Variants in EVC observed in about 807,000 individuals in gnomAD.
The protein encoded by EVC is evC complex member EVC.
In EVC, 116 loss-of-function variants were observed where a neutral mutation model predicts 118.9. The ratio of observed to expected loss-of-function variants is 0.98; its 90% CI spans 0.84 to 1.14. EVC has a LOEUF of 1.14. Among genes scored for constraint, EVC ranks in the 50% most tolerant of loss-of-function variants. EVC has a pLI of 0.00. For missense variants in EVC, 1,401 were observed against 1,246.4 expected (o/e 1.12, Z -1.87); for synonymous variants, 619 against 534.7 (o/e 1.16, Z -2.18).
At chr4:5,780,705 TG>T (rs1363419462) in intron 11 of EVC, among the ~76,000 whole-genome samples, 1 of 152,132 alleles carries the variant, frequency 6.6e-6, no homozygotes, top group Non-Finnish European at 1.5e-5. Context: ...TGGTGGGTGC[TG>T]GAAGGGCAGC....
chr4:5,748,786 A>G (rs1729885452), intron 8 of EVC, among the ~76,000 whole-genome samples: 2 of 109,774 alleles, frequency 1.8e-5, no homozygotes, highest in Non-Finnish European at 4.0e-5. Context: ...CCACCCATCC[A>G]TCCATCCATC....
At chr4:5,758,721 G>A (rs1369635668) in intron 11 of EVC, among the ~76,000 whole-genome samples, 3 of 152,162 alleles carry the variant, frequency 2.0e-5, no homozygotes, top group Admixed American at 6.5e-5. Flanking sequence ...GCTAGCAAGC[G>A]GGGAAGGTGA....
At chr4:5,770,825 A>G (rs920123883) in intron 11 of EVC, among the ~76,000 whole-genome samples, 2 of 152,124 alleles carry the variant, frequency 1.3e-5, no homozygotes, top group Admixed American at 6.5e-5. Context: ...CAGCCCGGCC[A>G]ACATGGCAAA....
At chr4:5,785,014 G>A (rs113965535) in intron 12 of EVC, among the ~76,000 whole-genome samples, 15 of 151,678 alleles carry the variant, frequency 9.9e-5, no homozygotes, top group Non-Finnish European at 1.8e-4. Context: ...CCCTGCCTTC[G>A]GCCCTCTAGA....
At chr4:5,818,337 C>T (rs1718003472), downstream of EVC, among the ~76,000 whole-genome samples, 1 of 152,286 alleles carries the variant, frequency 6.6e-6, no homozygotes, top group Middle Eastern at 3.4e-3. Context: ...CAGACTAATA[C>T]ACCAACAAAT....
intron 11 of EVC, among the ~76,000 whole-genome samples, chr4:5,767,548 C>G (rs536153930): frequency 4.0e-5 from 6 of 151,258 alleles, no homozygotes; most frequent in African/African-American, 1.5e-4. Flanking sequence ...TAGCAATCAG[C>G]GAGACTCCTT....
the EVC span, chr4:5,828,712 C>G: frequency 1.1e-5 from 17 of 1,599,174 alleles, 1 homozygote; most frequent in African/African-American, 6.7e-5. Context: ...TTTGCTCTGC[C>G]CCAAACGAGC....
intron 14 of EVC, 112 bp downstream of exon 14, chr4:5,797,344 G>A (rs1394837455): frequency 1.6e-5 from 15 of 937,788 alleles, no homozygotes; most frequent in South Asian, 5.6e-5. Context: ...TGGTGCTGCA[G>A]GGTGCGGTAT....
chr4:5,726,164 G>A (rs1725775179), intron 2 of EVC, among the ~76,000 whole-genome samples: 1 of 152,206 alleles, frequency 6.6e-6, no homozygotes, highest in Admixed American at 6.5e-5. Flanking sequence ...TTTGTGATTG[G>A]AAATCGGTCA....
chr4:5,826,147 C>T, the EVC span: 1 of 157,928 alleles, frequency 6.3e-6, no homozygotes, highest in Non-Finnish European at 1.4e-5. Flanking sequence ...CTCATACACA[C>T]AAAGCTTCAT....
chr4:5,780,257 C>T (rs4689306), intron 11 of EVC, among the ~76,000 whole-genome samples: 90,034 of 152,006 alleles, frequency 0.59, 28,160 homozygotes, highest in African/African-American at 0.78. Flanking sequence ...TAACTTATAT[C>T]CATTGAGCAC....
At chr4:5,758,559 CTT>C (rs1560352851) in intron 11 of EVC, among the ~76,000 whole-genome samples, 1 of 152,152 alleles carries the variant, frequency 6.6e-6, no homozygotes, top group African/African-American at 2.4e-5. Flanking sequence ...AAAGGAACAA[CTT>C]TGTCCCCAGA....
In EVC at chr4:5,789,528, A is replaced by G. The variant is rs1051795973; in HGVS notation, c.1777-4080A>G. Among the ~76,000 whole-genome samples the G allele has an allele frequency of 6.6e-6, 1 of 152,188 alleles. No individual in the cohort carries two copies. The highest frequency in any genetic ancestry group is 2.4e-5 in the African/African-American group (1 of 41,452). On this transcript the variant is annotated intron_variant, in intron 12 of 20. Coordinates refer to ENST00000264956, the MANE Select transcript of EVC (RefSeq NM_153717.3). The surrounding 1 kb of genome is among the most constrained non-coding windows in gnomAD (Gnocchi z 4.3). ...CCACCTAAAAACCCTCCCTGTTTCT[A>G]GGAGGACACTAACAAACTTTCAGCA...
At chr4:5,803,044 C>A (rs558923469) in intron 16 of EVC, among the ~76,000 whole-genome samples, 1 of 152,302 alleles carries the variant, frequency 6.6e-6, no homozygotes, top group East Asian at 1.9e-4. Context: ...GTGTTTGAGA[C>A]CCCAAGAATT....
At chr4:5,821,455 G>GAGTT in the EVC span, 1 of 387,652 alleles carries the variant, frequency 2.6e-6, no homozygotes, top group Non-Finnish European at 4.7e-6. The surrounding 1 kb of genome is among the most constrained non-coding windows in gnomAD (Gnocchi z 4.4). Context: ...GGAGCCAGTG[G>GAGTT]AGTTAGAAGT....
At chr4:5,784,765 G>A (rs533059577) in intron 12 of EVC, among the ~76,000 whole-genome samples, 109 of 151,768 alleles carry the variant, frequency 7.2e-4, no homozygotes, top group African/African-American at 2.5e-3. Context: ...GTGCCACCAC[G>A]CCTGGCTAAT....
chr4:5,733,368 G>A lies in EVC; in HGVS notation c.635G>A (p.Cys212Tyr). The change falls in exon 5 of 21, where the codon TGT becomes TAT. Residue 212 changes from cysteine to tyrosine, a missense_variant. Coordinates refer to ENST00000264956, the MANE Select transcript of EVC (RefSeq NM_153717.3). Reference sequence around the variant, plus strand: ...TTTTGCAGTGTAGACGTTGACCTGTGTATCTACAGCCTTCACTTAAAAGAC... The same window carrying A: ...TTTTGCAGTGTAGACGTTGACCTGTATATCTACAGCCTTCACTTAAAAGAC... The part of the protein sequence containing the change: ...LACESVDVDL[C>Y]IYSLHLKDLL... 6.2e-7 allele frequency: 1 copy of A among 1,613,954 alleles called. No homozygotes were observed. Among genetic ancestry groups the A allele is most frequent in the Non-Finnish European group, 8.5e-7 (1 of 1,179,870 alleles).
At position 5,752,917 on chromosome 4, in the gene EVC, A is replaced by G; in HGVS notation, c.1180A>G (p.Arg394Gly). Residue 394 changes from arginine to glycine, a missense_variant, in exon 9 of 21, where the codon AGG becomes GGG. Arg to Gly is a moderately radical substitution (Grantham distance 125, BLOSUM62 -2). Transcript: ENST00000264956. ...FLKLQVQEET[R>G]CRLAAISHGL... Reference sequence around the variant, plus strand: ...GAAGCTGCAAGTCCAGGAGGAGACCAGGTGCCGGCTGGCTGCCATCTCCCA... The same window carrying G: ...GAAGCTGCAAGTCCAGGAGGAGACCGGGTGCCGGCTGGCTGCCATCTCCCA... 1 of 1,614,190 alleles carries G rather than the reference A, an allele frequency of 6.2e-7. No homozygotes were observed. The highest frequency in any genetic ancestry group is 8.5e-7 in the Non-Finnish European group (1 of 1,180,028).
chr4:5,824,449 T>C, the EVC span: 10 of 985,356 alleles, frequency 1.0e-5, no homozygotes, highest in Non-Finnish European at 1.2e-5. Context: ...GGATAAGAGG[T>C]TCTGCCACCA....
Sources: gnomAD v4.1 joint callset for allele counts (sites outside exome capture counted in the v4.1 genomes callset) on GRCh38, gnomAD v4.1.1 for gene constraint, Gnocchi (gnomAD v3.1) non-coding constraint, MANE v1.5 for transcripts, NCBI Gene and HGNC (gene_info 2026-07-23, HGNC 2026-07-21) for gene names.